The following CTNNA3 variants were observed in gnomAD, a reference collection of about 807,000 sequenced individuals.
The protein encoded by CTNNA3 is catenin alpha 3, also known as catenin alpha-3.
CTNNA3 carries 76 observed loss-of-function variants against 95.7 expected under a neutral mutation model. The observed-to-expected ratio is 0.79, with a 90% CI of 0.66 to 0.96. CTNNA3 has a LOEUF of 0.96. Ranked by LOEUF, CTNNA3 falls within the 40% of genes least tolerant of loss-of-function variation. The pLI, the probability that CTNNA3 is intolerant of heterozygous loss-of-function variation, is 0.00. For missense variants in CTNNA3, 1,191 were observed against 1,089.8 expected, an observed-to-expected ratio of 1.09 and a Z score of -1.31; for synonymous variants, 431 against 374.4, an observed-to-expected ratio of 1.15 and a Z score of -1.74.
intron 11 of CTNNA3, among the ~76,000 whole-genome samples, chr10:66,384,058 C>A (rs577979847): frequency 6.6e-6 from 1 of 152,042 alleles, no homozygotes; most frequent in African/African-American, 2.4e-5. Context: ...AAATAGCCAG[C>A]GAACATCATA....
At chr10:66,265,069 C>A (rs150428379) in intron 13 of CTNNA3, among the ~76,000 whole-genome samples, 42 of 152,130 alleles carry the variant, frequency 2.8e-4, no homozygotes, top group Admixed American at 2.4e-3. Context: ...ATCTACTTAT[C>A]ACCACAATCC....
intron 11 of CTNNA3, among the ~76,000 whole-genome samples, chr10:66,428,940 C>T (rs1161284867): frequency 3.3e-5 from 5 of 151,844 alleles, no homozygotes; most frequent in African/African-American, 4.8e-5. Flanking sequence ...ACAAAAAACC[C>T]TTCAAAAAAT....
At chr10:66,249,755 C>T (rs1216563761) in intron 13 of CTNNA3, among the ~76,000 whole-genome samples, 1 of 151,994 alleles carries the variant, frequency 6.6e-6, no homozygotes, top group East Asian at 1.9e-4. Context: ...AAAAATAAGG[C>T]GGAGCTTGCA....
At chr10:66,670,294 A>T (rs1433646371) in intron 9 of CTNNA3, among the ~76,000 whole-genome samples, 2 of 152,174 alleles carry the variant, frequency 1.3e-5, no homozygotes. Context: ...TAAAAGGTCC[A>T]AATCAAGTTG....
intron 5 of CTNNA3, among the ~76,000 whole-genome samples, chr10:67,391,544 G>T (rs933340827): frequency 1.3e-5 from 2 of 151,540 alleles, no homozygotes; most frequent in African/African-American, 4.9e-5. Flanking sequence ...CACAGAATTG[G>T]AAAAAACTAC....
At chr10:65,938,122 T>C (rs940192991) in intron 17 of CTNNA3, among the ~76,000 whole-genome samples, 1 of 152,190 alleles carries the variant, frequency 6.6e-6, no homozygotes, top group African/African-American at 2.4e-5. Flanking sequence ...AATGAGTATG[T>C]TGAAGCTGAG....
intron 7 of CTNNA3, among the ~76,000 whole-genome samples, chr10:66,856,329 G>A (rs7903497): frequency 0.28 from 42,891 of 151,860 alleles, 6,866 homozygotes; most frequent in East Asian, 0.54. Flanking sequence ...ACTGATGGGC[G>A]TTTAGGTTGA....
intron 9 of CTNNA3, among the ~76,000 whole-genome samples, chr10:66,715,403 G>T (rs1265321001): frequency 6.6e-6 from 1 of 152,086 alleles, no homozygotes; most frequent in Non-Finnish European, 1.5e-5. Context: ...CCTAGATGTT[G>T]TCTCAATTGT....
At chr10:66,491,631 A>G (rs1236678068) in intron 11 of CTNNA3, among the ~76,000 whole-genome samples, 3 of 152,156 alleles carry the variant, frequency 2.0e-5, no homozygotes, top group Non-Finnish European at 4.4e-5. Flanking sequence ...CTTTTGGTAA[A>G]TAGACATCCT....
At chr10:67,040,113 T>A (rs1465588796) in intron 7 of CTNNA3, among the ~76,000 whole-genome samples, 1 of 152,142 alleles carries the variant, frequency 6.6e-6, no homozygotes, top group Admixed American at 6.5e-5. Flanking sequence ...GTATTTGCTA[T>A]GACAACATCA....
In CTNNA3 at chr10:66,763,339, C is replaced by CAGAGAGAGAGAGAG. The variant is rs1435579566; in HGVS notation, c.1281+2924_1281+2925insCTCTCTCTCTCTCT. On this transcript the variant is annotated intron_variant, in intron 9 of 17. Coordinates refer to ENST00000433211, the MANE Select transcript of CTNNA3 (RefSeq NM_013266.4). ...ACACACACACACACACACACACACACACAGAGAGAGAGAGGGAGAGAGAGA... is the reference window on the plus strand; with the variant it reads ...ACACACACACACACACACACACACACAGAGAGAGAGAGAGACAGAGAGAGAGAGGGAGAGAGAGA... Among the ~76,000 whole-genome samples the CAGAGAGAGAGAGAG allele has an allele frequency of 1.5e-3, 198 of 128,850 alleles. 1 individual carries two copies. The Middle Eastern group carries it at 0.016, about 10-fold the overall frequency. The allele number at this position is 128,850 out of a possible 152,430, so 84.5% of individuals were successfully genotyped here. A position where few individuals can be genotyped will look rare whatever the true frequency, so the allele number is the denominator to read the frequency against.
At chr10:66,551,862 G>T (rs1053850328) in intron 10 of CTNNA3, among the ~76,000 whole-genome samples, 1 of 147,342 alleles carries the variant, frequency 6.8e-6, no homozygotes, top group Non-Finnish European at 1.5e-5. Context: ...AATTGTACAG[G>T]TTCATTCACG....
chr10:66,457,347 C>G (rs911688281), intron 11 of CTNNA3, among the ~76,000 whole-genome samples: 1 of 151,748 alleles, frequency 6.6e-6, no homozygotes, highest in Non-Finnish European at 1.5e-5. Flanking sequence ...AAAGCACTCT[C>G]GAAACTCAAT....
rs375978403 is a variant in CTNNA3, at chr10:66,184,234, G to T, written c.1885-80985C>A. Among the ~76,000 whole-genome samples the T allele has an allele frequency of 4.8e-4, 73 of 152,264 alleles. No individual in the cohort carries two copies. The South Asian group carries it at 0.015, about 31-fold the overall frequency. ...AAATCACTTGAACCTGGGAGGCAGA[G>T]GTTGCAGTGAGCCAAGATTGCACCA... On this transcript the variant is annotated intron_variant, in intron 13 of 17. Transcript: ENST00000433211.
At chr10:66,331,651 A>G (rs1259355117) in intron 12 of CTNNA3, among the ~76,000 whole-genome samples, 1 of 151,780 alleles carries the variant, frequency 6.6e-6, no homozygotes, top group Non-Finnish European at 1.5e-5. Context: ...GTTCTGTTCC[A>G]TTGGTCTATA....
chr10:67,284,913 G>A (rs554974318), intron 5 of CTNNA3, among the ~76,000 whole-genome samples: 6 of 152,264 alleles, frequency 3.9e-5, no homozygotes, highest in African/African-American at 1.4e-4. Context: ...AGCCTGGAGA[G>A]ACATAAGACT....
intron 10 of CTNNA3, among the ~76,000 whole-genome samples, chr10:66,575,512 G>T (rs1282835171): frequency 6.6e-6 from 1 of 152,040 alleles, no homozygotes; most frequent in Non-Finnish European, 1.5e-5. Context: ...CATGTATCTG[G>T]ATCATTTCAA....
intron 9 of CTNNA3, among the ~76,000 whole-genome samples, chr10:66,691,845 C>A (rs1847554235): frequency 6.6e-6 from 1 of 152,282 alleles, no homozygotes; most frequent in South Asian, 2.1e-4. Flanking sequence ...GATACCCAGG[C>A]AAACAGGGTC....
chr10:66,153,401 A>T (rs1462819), intron 13 of CTNNA3, among the ~76,000 whole-genome samples: 112,174 of 151,804 alleles, frequency 0.74, 41,655 homozygotes, highest in South Asian at 0.85. Flanking sequence ...CCAAAGAAAG[A>T]TACTATTTTT....
Sources: gnomAD v4.1 joint callset for allele counts (sites outside exome capture counted in the v4.1 genomes callset) on GRCh38, gnomAD v4.1.1 for gene constraint, MANE v1.5 for transcripts, NCBI Gene and HGNC (gene_info 2026-07-23, HGNC 2026-07-21) for gene names.